ATXN7L1: variants seen among roughly 807,000 people sequenced by gnomAD.
ATXN7L1 encodes ataxin 7 like 1, also known as ataxin-7-like protein 1.
A neutral mutation model predicts 70.8 loss-of-function variants in ATXN7L1; 15 were observed. The observed-to-expected ratio is 0.21, with a 90% CI of 0.14 to 0.33. The LOEUF is 0.33. ATXN7L1 is among the 10% of genes least tolerant of loss of function. ATXN7L1 has a pLI of 1.00. For synonymous variants in ATXN7L1, 440 were observed against 445.1 expected (o/e 0.99, Z 0.14); for missense variants, 975 against 1,097.1 (o/e 0.89, Z 1.57).
intron 3 of ATXN7L1, among the ~76,000 whole-genome samples, chr7:105,697,107 C>A (rs1307580387): frequency 6.6e-6 from 1 of 152,176 alleles, no homozygotes; most frequent in Non-Finnish European, 1.5e-5. Context: ...GACCACAGGA[C>A]CGAGGCAAAA....
intron 3 of ATXN7L1, among the ~76,000 whole-genome samples, chr7:105,755,530 G>A (rs55662779): frequency 0.14 from 22,028 of 152,108 alleles, 1,749 homozygotes; most frequent in East Asian, 0.23. Flanking sequence ...CTGTATAAAT[G>A]AACGTGGAAA....
chr7:105,825,469 G>C (rs1457948140), intron 2 of ATXN7L1, among the ~76,000 whole-genome samples: 1 of 151,772 alleles, frequency 6.6e-6, no homozygotes, highest in Non-Finnish European at 1.5e-5. Flanking sequence ...ACCCAATCTA[G>C]TGGCCAAAAT....
chr7:105,761,228 C>A, intron 3 of ATXN7L1: 1 of 1,478,256 alleles, frequency 6.8e-7, no homozygotes, highest in Non-Finnish European at 8.9e-7. Context: ...GATCCTGACA[C>A]CAGAGTGTGC....
At chr7:105,724,564 ACT>A (rs1795572880) in intron 3 of ATXN7L1, among the ~76,000 whole-genome samples, 1 of 121,596 alleles carries the variant, frequency 8.2e-6, no homozygotes, top group Admixed American at 1.0e-4. Context: ...ACAGAGCAAG[ACT>A]CTGTCTCAAA....
intron 3 of ATXN7L1, among the ~76,000 whole-genome samples, chr7:105,671,140 G>A (rs1433539585): frequency 1.5e-5 from 2 of 131,580 alleles, no homozygotes; most frequent in African/African-American, 5.6e-5. Context: ...AAAATTAGCC[G>A]GGTGTGGTGG....
intron 4 of ATXN7L1, among the ~76,000 whole-genome samples, chr7:105,653,862 T>C (rs1213146976): frequency 6.6e-6 from 1 of 152,030 alleles, no homozygotes; most frequent in Non-Finnish European, 1.5e-5. Flanking sequence ...CTCCTGCTGG[T>C]GTGCCCTCCC....
intron 3 of ATXN7L1, among the ~76,000 whole-genome samples, chr7:105,750,824 AG>A (rs1268639262): frequency 6.6e-6 from 1 of 152,088 alleles, no homozygotes; most frequent in Admixed American, 6.6e-5. Context: ...CAACAAAAAA[AG>A]TTACTTTTAT....
At position 105,686,546 on chromosome 7, in the gene ATXN7L1, C is replaced by T. The variant is rs368452114; in HGVS notation, c.356-21258G>A. 2.9e-4 allele frequency among the ~76,000 whole-genome samples: 44 copies of T among 152,208 alleles called. No individual in the cohort carries two copies. The East Asian group carries it at 4.6e-3, about 16-fold the overall frequency. The stretch of plus-strand genomic sequence containing the variant: ...CAAACAAACAAACAAACAAAACCCA[C>T]CCATTTAATATAATAACCTACTGAA... On this transcript the variant is annotated intron_variant, in intron 3 of 11. Coordinates refer to ENST00000419735, the MANE Select transcript of ATXN7L1 (RefSeq NM_020725.2).
At chr7:105,753,695 T>A (rs1281201083) in intron 3 of ATXN7L1, among the ~76,000 whole-genome samples, 1 of 152,214 alleles carries the variant, frequency 6.6e-6, no homozygotes. Flanking sequence ...TAAGTTTACA[T>A]AGAAAGAACC....
intron 3 of ATXN7L1, among the ~76,000 whole-genome samples, chr7:105,702,529 A>G (rs183608302): frequency 7.0e-6 from 1 of 142,674 alleles, no homozygotes; most frequent in African/African-American, 2.8e-5. Context: ...AGCCCCTTAC[A>G]CACACACAGA....
intron 4 of ATXN7L1, among the ~76,000 whole-genome samples, chr7:105,653,603 G>A (rs561847636): frequency 7.9e-5 from 12 of 152,266 alleles, no homozygotes; most frequent in African/African-American, 2.9e-4. Context: ...CCTCAGCATC[G>A]CTTGCAACCT....
intron 3 of ATXN7L1, among the ~76,000 whole-genome samples, chr7:105,707,430 C>G (rs1793320837): frequency 6.6e-6 from 1 of 152,028 alleles, no homozygotes. Context: ...CAAAATGGTA[C>G]AAAAAAGATG....
At chr7:105,767,498 G>A (rs1275918074) in intron 3 of ATXN7L1, among the ~76,000 whole-genome samples, 1 of 152,186 alleles carries the variant, frequency 6.6e-6, no homozygotes, top group African/African-American at 2.4e-5. Flanking sequence ...AGTCCAGCTT[G>A]TTTCTTCTCT....
chr7:105,643,003 A>T lies in ATXN7L1; in HGVS notation c.697T>A (p.Ser233Thr), dbSNP rs1329011702. 6 of 1,551,822 alleles carry T rather than the reference A, an allele frequency of 3.9e-6. No individual in the cohort carries two copies. Among genetic ancestry groups the T allele is most frequent in the Non-Finnish European group, 3.5e-6 (4 of 1,147,024 alleles). Residue 233 changes from serine (S) to threonine (T), a missense_variant, in exon 5 of 12, where the codon TCT becomes ACT. Around this residue, in one of 5 missense-constraint regions of ATXN7L1, gnomAD observed 192 missense variants for 215.5 expected, o/e 0.89. Coordinates refer to ENST00000419735, the MANE Select transcript of ATXN7L1 (RefSeq NM_020725.2). ...TAVSASSTSS[S>T]AVSTPPLIKP... Reference sequence around the variant, plus strand: ...ATTAAAGGAGGGGTGGAGACGGCAGAGGACGAGGTGGAGGAGGCAGAAACT... The same window carrying T: ...ATTAAAGGAGGGGTGGAGACGGCAGTGGACGAGGTGGAGGAGGCAGAAACT...
At chr7:105,766,088 G>C (rs12374680) in intron 3 of ATXN7L1, among the ~76,000 whole-genome samples, 15,427 of 151,200 alleles carry the variant, frequency 0.1, 1,244 homozygotes, top group East Asian at 0.25. Flanking sequence ...GAGGTGTGCC[G>C]AGGGGCTGAG....
At chr7:105,875,453 G>C (rs186134199) in intron 2 of ATXN7L1, among the ~76,000 whole-genome samples, 213 of 152,250 alleles carry the variant, frequency 1.4e-3, no homozygotes, top group South Asian at 3.3e-3. Flanking sequence ...TCACCCACGA[G>C]AAAGGCTGGG....
intron 10 of ATXN7L1, among the ~76,000 whole-genome samples, chr7:105,611,348 T>A (rs1178971240): frequency 6.6e-6 from 1 of 152,254 alleles, no homozygotes; most frequent in Non-Finnish European, 1.5e-5. Flanking sequence ...TTAACTTGCC[T>A]TTATGTAAAG....
intron 2 of ATXN7L1, among the ~76,000 whole-genome samples, chr7:105,873,425 T>G (rs1818569188): frequency 6.6e-6 from 1 of 152,178 alleles, no homozygotes; most frequent in Non-Finnish European, 1.5e-5. Flanking sequence ...ACTTTGTTGA[T>G]CACTCCAAAA....
chr7:105,663,549 C>T (rs1802044176), intron 4 of ATXN7L1, among the ~76,000 whole-genome samples: 1 of 152,176 alleles, frequency 6.6e-6, no homozygotes, highest in South Asian at 2.1e-4. Context: ...GGACTCCACA[C>T]TTATCCCTTC....
Sources: allele counts gnomAD v4.1 joint callset (sites outside exome capture counted in the v4.1 genomes callset), GRCh38; gene constraint gnomAD v4.1.1; regional missense constraint gnomAD v4.1.1; transcripts MANE v1.5; gene names NCBI Gene and HGNC (gene_info 2026-07-23, HGNC 2026-07-21).